NR3C2: variants seen among roughly 807,000 people sequenced by gnomAD.
NR3C2 encodes nuclear receptor subfamily 3 group C member 2, also known as mineralocorticoid receptor.
Under a neutral mutation model 86.4 loss-of-function variants are expected in NR3C2, and 15 were observed. The ratio of observed to expected loss-of-function variants is 0.17; its 90% CI spans 0.12 to 0.27. The LOEUF (loss-of-function observed/expected upper bound fraction) is 0.27. Ranked by LOEUF, NR3C2 falls within the 10% of genes least tolerant of loss-of-function variation. The probability of loss-of-function intolerance (pLI) is 1.00; values close to 1 mark genes in which losing one functional copy is unlikely to be tolerated. For synonymous variants in NR3C2, 458 were observed against 450.5 expected, an observed-to-expected ratio of 1.02 and a Z score of -0.21; for missense variants, 960 against 1,195.6, an observed-to-expected ratio of 0.80 and a Z score of 2.91.
At chr4:148,103,543 C>T (rs1731637973) in intron 8 of NR3C2, among the ~76,000 whole-genome samples, 1 of 152,228 alleles carries the variant, frequency 6.6e-6, no homozygotes, top group South Asian at 2.1e-4. Flanking sequence ...GCTCGTTTCA[C>T]AGAGTGAATA....
At chr4:148,394,507 C>T (rs1241049999) in intron 2 of NR3C2, among the ~76,000 whole-genome samples, 2 of 146,008 alleles carry the variant, frequency 1.4e-5, no homozygotes, top group South Asian at 2.2e-4. Flanking sequence ...TAACATAACC[C>T]CAACTCTACT....
In NR3C2 at chr4:148,275,719, A is replaced by C. The variant is rs566667151; in HGVS notation, c.1758-15602T>G. The stretch of plus-strand genomic sequence containing the variant: ...TGCTGGGATTACAGGCGTGAGCCAC[A>C]GTGCCCAGATGCCAATCTTATCTTA... On this transcript the variant is annotated intron_variant, in intron 2 of 8. Transcript: ENST00000358102. 8.5e-5 allele frequency among the ~76,000 whole-genome samples: 13 copies of C among 152,306 alleles called. No individual in the cohort carries two copies. The East Asian group carries it at 2.5e-3, about 29-fold the overall frequency.
intron 3 of NR3C2, among the ~76,000 whole-genome samples, chr4:148,248,638 T>C (rs897471618): frequency 1.3e-5 from 2 of 152,214 alleles, no homozygotes; most frequent in African/African-American, 2.4e-5. Flanking sequence ...GTTGGCCCTT[T>C]AGCACAATAT....
chr4:148,268,068 A>T (rs184507853), intron 2 of NR3C2, among the ~76,000 whole-genome samples: 1 of 151,214 alleles, frequency 6.6e-6, no homozygotes, highest in Non-Finnish European at 1.5e-5. Flanking sequence ...TCTCCTGAGT[A>T]GCTGGGATTA....
chr4:148,366,479 C>CA, intron 2 of NR3C2, among the ~76,000 whole-genome samples: 2 of 6,174 alleles, frequency 3.2e-4, no homozygotes, highest in South Asian at 6.8e-3. Flanking sequence ...TTAAAAAGTA[C>CA]TCAGCACTTT....
At chr4:148,347,509 A>G (rs1205219187) in intron 2 of NR3C2, among the ~76,000 whole-genome samples, 1 of 152,116 alleles carries the variant, frequency 6.6e-6, no homozygotes, top group Admixed American at 6.6e-5. Context: ...AAATTCTAAA[A>G]TTATGTATGT....
intron 6 of NR3C2, among the ~76,000 whole-genome samples, chr4:148,136,074 A>AAC (rs1560939980): frequency 7.1e-5 from 3 of 42,308 alleles, no homozygotes; most frequent in East Asian, 2.0e-3. Context: ...AAAAAAAAAA[A>AAC]AACAAAAAAA....
chr4:148,277,800 C>T (rs1243595703), intron 2 of NR3C2, among the ~76,000 whole-genome samples: 1 of 152,064 alleles, frequency 6.6e-6, no homozygotes, highest in East Asian at 1.9e-4. Context: ...TGCCAGACAC[C>T]CTGCTAGCTT....
chr4:148,282,020 TCTTA>T (rs1437752165), intron 2 of NR3C2, among the ~76,000 whole-genome samples: 1 of 152,176 alleles, frequency 6.6e-6, no homozygotes, highest in East Asian at 1.9e-4. Context: ...TATGAGTATC[TCTTA>T]CTTATTCATA....
chr4:148,263,376 C>T (rs1740227038), intron 2 of NR3C2, among the ~76,000 whole-genome samples: 1 of 152,218 alleles, frequency 6.6e-6, no homozygotes, highest in African/African-American at 2.4e-5. Flanking sequence ...GTTACCACCA[C>T]GTCCTGCTCA....
intron 6 of NR3C2, among the ~76,000 whole-genome samples, chr4:148,144,124 A>G (rs1560944304): frequency 6.6e-6 from 1 of 152,166 alleles, no homozygotes; most frequent in South Asian, 2.1e-4. Flanking sequence ...TGTAACTCAG[A>G]AGCACCAATG....
chr4:148,373,425 C>T (rs1746513283), intron 2 of NR3C2, among the ~76,000 whole-genome samples: 1 of 151,110 alleles, frequency 6.6e-6, no homozygotes, highest in Non-Finnish European at 1.5e-5. Context: ...AAGCAGAGTA[C>T]CTTGGATTCC....
At chr4:148,261,304 T>TAA (rs1472340727) in intron 2 of NR3C2, among the ~76,000 whole-genome samples, 3 of 138,298 alleles carry the variant, frequency 2.2e-5, no homozygotes, top group East Asian at 4.5e-4. Context: ...AGTGCTATGG[T>TAA]GCGCTATGGT....
intron 2 of NR3C2, among the ~76,000 whole-genome samples, chr4:148,366,579 CAA>C: frequency 6.7e-6 from 1 of 148,208 alleles, no homozygotes; most frequent in African/African-American, 2.6e-5. Context: ...ACCAATTCAA[CAA>C]AGTCTAAATT....
intron 4 of NR3C2, among the ~76,000 whole-genome samples, chr4:148,175,286 C>T (rs1458606967): frequency 6.6e-6 from 1 of 152,176 alleles, no homozygotes; most frequent in Non-Finnish European, 1.5e-5. Context: ...CGGTTCCTAG[C>T]CCTGGTGAAC....
intron 2 of NR3C2, among the ~76,000 whole-genome samples, chr4:148,398,740 C>T (rs770234545): frequency 7.2e-5 from 11 of 152,150 alleles, no homozygotes; most frequent in African/African-American, 2.2e-4. Flanking sequence ...ATTACCCCTA[C>T]CCTCATGGAG....
chr4:148,215,096 C>A (rs1354065825), intron 3 of NR3C2, among the ~76,000 whole-genome samples: 1 of 152,120 alleles, frequency 6.6e-6, no homozygotes, highest in Non-Finnish European at 1.5e-5. Flanking sequence ...TATCTTTATG[C>A]CTAAGCATGA....
intron 2 of NR3C2, among the ~76,000 whole-genome samples, chr4:148,415,708 T>A (rs551906044): frequency 4.6e-5 from 7 of 152,334 alleles, no homozygotes; most frequent in African/African-American, 1.7e-4. Context: ...AACTCTCTAC[T>A]TCTCTGTGAA....
At chr4:148,141,945 C>T (rs1055125461) in intron 6 of NR3C2, among the ~76,000 whole-genome samples, 8 of 151,960 alleles carry the variant, frequency 5.3e-5, no homozygotes, top group African/African-American at 1.2e-4. Flanking sequence ...GGTTGGGGAC[C>T]GCTGCTATAG....
Sources: gnomAD v4.1 joint callset for allele counts (sites outside exome capture counted in the v4.1 genomes callset) on GRCh38, gnomAD v4.1.1 for gene constraint, MANE v1.5 for transcripts, NCBI Gene and HGNC (gene_info 2026-07-23, HGNC 2026-07-21) for gene names.